Variants in FER1L6 observed in about 807,000 individuals in gnomAD.
The protein encoded by FER1L6 is fer-1 like family member 6.
A neutral mutation model predicts 219.2 loss-of-function variants in FER1L6; 177 were observed. The ratio of observed to expected loss-of-function variants is 0.81; its 90% CI spans 0.71 to 0.91. The LOEUF is 0.91. Ranked by LOEUF, FER1L6 falls within the 40% of genes least tolerant of loss-of-function variation. The pLI is 0.00. For missense variants in FER1L6, 2,153 were observed against 2,259.9 expected (o/e 0.95, Z 0.96); for synonymous variants, 768 against 824.3 (o/e 0.93, Z 1.17).
At chr8:123,880,123 G>GT (rs1213010147) in intron 1 of FER1L6, among the ~76,000 whole-genome samples, 1 of 151,950 alleles carries the variant, frequency 6.6e-6, no homozygotes, top group Non-Finnish European at 1.5e-5. Flanking sequence ...AATTTTCTTG[G>GT]CAAGAAATTC....
chr8:123,886,705 A>G (rs1817209153), intron 1 of FER1L6, among the ~76,000 whole-genome samples: 1 of 152,150 alleles, frequency 6.6e-6, no homozygotes. Flanking sequence ...TTCACTCTCT[A>G]ATGTGTCCTG....
intron 39 of FER1L6, among the ~76,000 whole-genome samples, chr8:124,109,649 T>C (rs539750016): frequency 6.6e-6 from 1 of 152,346 alleles, no homozygotes; most frequent in South Asian, 2.1e-4. Context: ...TCTTCATTTC[T>C]ATCAACATAG....
intron 22 of FER1L6, among the ~76,000 whole-genome samples, chr8:124,053,950 G>A (rs1224449880): frequency 6.6e-6 from 1 of 152,060 alleles, no homozygotes; most frequent in Non-Finnish European, 1.5e-5. Flanking sequence ...CAAGTTAGCT[G>A]CCCCCGTCCT....
At chr8:123,941,189 A>G (rs1177297453) in intron 1 of FER1L6, among the ~76,000 whole-genome samples, 5 of 152,134 alleles carry the variant, frequency 3.3e-5, no homozygotes, top group Non-Finnish European at 5.9e-5. Context: ...AAAATCACAT[A>G]AATAAAATTA....
At chr8:124,044,998 T>C (rs752271779) in intron 20 of FER1L6, among the ~76,000 whole-genome samples, 1 of 152,190 alleles carries the variant, frequency 6.6e-6, no homozygotes, top group Non-Finnish European at 1.5e-5. Context: ...CAGTCTACTA[T>C]CAGTGTAAGA....
intron 1 of FER1L6, among the ~76,000 whole-genome samples, chr8:123,875,016 G>T (rs1038450539): frequency 1.3e-5 from 2 of 152,040 alleles, no homozygotes; most frequent in African/African-American, 4.8e-5. Context: ...CCAACATGGT[G>T]AAATCCCGTC....
chr8:123,975,081 T>C, intron 7 of FER1L6, 69 bp from the exon 8 acceptor site: 1 of 1,394,474 alleles, frequency 7.2e-7, no homozygotes, highest in Non-Finnish European at 9.5e-7. Context: ...CCTTGGCGTG[T>C]GGGAGAGAAA....
At chr8:123,966,663 A>G (rs1398631258) in intron 5 of FER1L6, among the ~76,000 whole-genome samples, 1 of 152,204 alleles carries the variant, frequency 6.6e-6, no homozygotes, top group Non-Finnish European at 1.5e-5. Context: ...TGGAAACTTA[A>G]TTATTGTTTT....
At chr8:124,116,664 A>G (rs975509454) in intron 39 of FER1L6, among the ~76,000 whole-genome samples, 2 of 152,202 alleles carry the variant, frequency 1.3e-5, no homozygotes, top group African/African-American at 4.8e-5. Flanking sequence ...GTTGATTTCT[A>G]TTCTCTCTTC....
intron 2 of FER1L6, among the ~76,000 whole-genome samples, chr8:123,961,059 G>T (rs140789035): frequency 6.6e-6 from 1 of 152,024 alleles, no homozygotes; most frequent in African/African-American, 2.4e-5. Context: ...GACAGCCTGC[G>T]CAACATAGTG....
intron 1 of FER1L6, among the ~76,000 whole-genome samples, chr8:123,937,711 T>C (rs189955645): frequency 1.3e-5 from 2 of 152,354 alleles, no homozygotes; most frequent in East Asian, 1.9e-4. Flanking sequence ...TGGTCAGTAA[T>C]ACAAGATTTA....
intron 1 of FER1L6, among the ~76,000 whole-genome samples, chr8:123,955,212 T>A (rs987691976): frequency 2.0e-5 from 3 of 152,072 alleles, no homozygotes; most frequent in African/African-American, 7.2e-5. Flanking sequence ...GAGGTGGCAG[T>A]GAGCTGAGAT....
intron 37 of FER1L6, among the ~76,000 whole-genome samples, chr8:124,099,905 C>T (rs931205445): frequency 2.0e-5 from 3 of 152,186 alleles, no homozygotes; most frequent in African/African-American, 7.2e-5. Context: ...ACATCTCTCT[C>T]TAGTGACTTC....
chr8:123,987,776 AC>A (rs1217912048), intron 12 of FER1L6, among the ~76,000 whole-genome samples: 1 of 152,102 alleles, frequency 6.6e-6, no homozygotes, highest in Non-Finnish European at 1.5e-5. Context: ...TATTGAAGAG[AC>A]TGTCCTTTTC....
At chr8:123,873,435 T>G (rs2130281054) in intron 1 of FER1L6, among the ~76,000 whole-genome samples, 1 of 152,352 alleles carries the variant, frequency 6.6e-6, no homozygotes. Flanking sequence ...AGGAGCCTGT[T>G]TCTCCTGTAG....
rs1398854360 is a variant in FER1L6 at position 124,111,987 on chromosome 8, C to T, written c.5290-6857C>T. 6.6e-6 allele frequency among the ~76,000 whole-genome samples: 1 copy of T among 152,120 alleles called. No individual in the cohort carries two copies. Among genetic ancestry groups the T allele is most frequent in the Non-Finnish European group, 1.5e-5 (1 of 68,026 alleles). On this transcript the variant is annotated intron_variant, in intron 39 of 40. Coordinates refer to ENST00000522917, the MANE Select transcript of FER1L6 (RefSeq NM_001039112.2). This position sits in a 1 kb window ranked among gnomAD's most constrained non-coding sequence, Gnocchi z 5.0. ...CTTTCCCCCTTAAGTAACCAATAAC[C>T]ATATTAAGAAAATAACTTTCTCCTA...
At chr8:123,998,372 AACTCTC>A (rs1817238515) in intron 12 of FER1L6, among the ~76,000 whole-genome samples, 1 of 5,088 alleles carries the variant, frequency 2.0e-4, no homozygotes, top group African/African-American at 7.7e-4. Context: ...AAAAGAGGGA[AACTCTC>A]TCTCTCTCTC....
rs535217689 is a variant in FER1L6 at position 123,900,956 on chromosome 8, T to C, written c.-8+48771T>C. The stretch of plus-strand genomic sequence containing the variant: ...TATGTTCATCAAGGATATTGATCTG[T>C]AGTCTTCTCTTTTGGTTATGTCCTT... On this transcript the variant is annotated intron_variant, in intron 1 of 40. Transcript: ENST00000522917. 2.0e-5 allele frequency among the ~76,000 whole-genome samples: 3 copies of C among 152,322 alleles called. No individual in the cohort carries two copies. In the South Asian group the frequency reaches 6.2e-4, roughly 32 times the overall value.
chr8:123,920,818 C>CTTTT (rs1813338613), intron 1 of FER1L6, among the ~76,000 whole-genome samples: 1 of 152,094 alleles, frequency 6.6e-6, no homozygotes, highest in African/African-American at 2.4e-5. Context: ...GAAACTATAC[C>CTTTT]CATTGAAAAA....
Sources: gnomAD v4.1 joint callset for allele counts (sites outside exome capture counted in the v4.1 genomes callset) on GRCh38, gnomAD v4.1.1 for gene constraint, Gnocchi (gnomAD v3.1) non-coding constraint, MANE v1.5 for transcripts, NCBI Gene and HGNC (gene_info 2026-07-23, HGNC 2026-07-21) for gene names.